The following PDE4D variants were observed in gnomAD, a reference collection of about 807,000 sequenced individuals.
PDE4D encodes the protein 3',5'-cyclic-AMP phosphodiesterase 4D.
In PDE4D, 24 loss-of-function variants were observed where a neutral mutation model predicts 87.4. That is an observed-to-expected ratio of 0.27 (90% CI 0.20 to 0.39). The LOEUF is 0.39. PDE4D is among the 10% of genes least tolerant of loss of function. PDE4D has a pLI of 1.00. For synonymous variants in PDE4D, 384 were observed against 383.2 expected (o/e 1.00, Z -0.02); for missense variants, 714 against 1,041.0 (o/e 0.69, Z 4.32).
chr5:59,356,958 G>A lies in PDE4D; in HGVS notation c.456-140990C>T, dbSNP rs181099351. On this transcript the variant is annotated intron_variant, in intron 1 of 14. Coordinates refer to ENST00000340635, the MANE Select transcript of PDE4D (RefSeq NM_001104631.2). ...AGGAGGCACTTGTAGCTGAGTGAGG[G>A]CATTTCCTTTGTGCAGTGGTATGCG... 360 of 1,340,908 alleles carry A rather than the reference G, an allele frequency of 2.7e-4. No homozygotes were observed. The African/African-American group carries it at 5.0e-3, about 19-fold the overall frequency. The allele number at this position is 1,340,908 out of a possible 1,614,324, so 83.1% of individuals were successfully genotyped here.
chr5:59,232,496 C>T (rs187731242), intron 1 of PDE4D, among the ~76,000 whole-genome samples: 7 of 126,070 alleles, frequency 5.6e-5, no homozygotes, highest in African/African-American at 3.1e-5. Context: ...CTTAGAATGG[C>T]TATTATTAAA....
intron 1 of PDE4D, among the ~76,000 whole-genome samples, chr5:60,507,780 GA>G (rs1750388826): frequency 6.6e-6 from 1 of 152,080 alleles, no homozygotes; most frequent in South Asian, 2.1e-4. Flanking sequence ...AGACTTTTTG[GA>G]ATCATGAACT....
intron 1 of PDE4D, among the ~76,000 whole-genome samples, chr5:59,808,414 T>C (rs944625480): frequency 2.4e-4 from 37 of 152,210 alleles, no homozygotes; most frequent in African/African-American, 8.7e-4. Flanking sequence ...GGTTTTAACA[T>C]ACAAGTGTTT....
chr5:59,397,508 A>C (rs1462673911), intron 1 of PDE4D, among the ~76,000 whole-genome samples: 1 of 116,424 alleles, frequency 8.6e-6, no homozygotes, highest in South Asian at 3.0e-4. Context: ...TGAAGGCAGA[A>C]ATAAAGATGT....
In PDE4D at chr5:60,293,386, C is replaced by T. The variant is rs972287406; in HGVS notation, c.-89-107699G>A. 1.9e-4 allele frequency among the ~76,000 whole-genome samples: 29 copies of T among 152,088 alleles called. 1 individual carries two copies. The highest frequency in any genetic ancestry group is 6.5e-4 in the African/African-American group (27 of 41,484). On this transcript the variant is annotated intron_variant, in intron 1 of 16. Transcript: ENST00000502484. ...AAAATTCGCCTAGCATGGTGGCACA[C>T]GCCTATAGTCCCAGCTACTCGGGAG...
intron 5 of PDE4D, among the ~76,000 whole-genome samples, chr5:59,088,066 A>T (rs938155148): frequency 6.6e-6 from 1 of 152,028 alleles, no homozygotes; most frequent in African/African-American, 2.4e-5. Flanking sequence ...GGCATGCAAT[A>T]CATGTTTGTT....
chr5:59,296,075 GA>G (rs113101613), intron 1 of PDE4D, among the ~76,000 whole-genome samples: 106 of 146,146 alleles, frequency 7.3e-4, no homozygotes, highest in Middle Eastern at 7.1e-3. Context: ...AATTCAAAAT[GA>G]AAAAAAAAAA....
chr5:59,259,180 G>C (rs1168242968), intron 1 of PDE4D, among the ~76,000 whole-genome samples: 1 of 151,728 alleles, frequency 6.6e-6, no homozygotes, highest in Non-Finnish European at 1.5e-5. Flanking sequence ...AAACTGGCTA[G>C]CATTTTTTTT....
intron 1 of PDE4D, among the ~76,000 whole-genome samples, chr5:59,835,853 T>C (rs1385281815): frequency 6.6e-6 from 1 of 152,010 alleles, no homozygotes; most frequent in Non-Finnish European, 1.5e-5. Context: ...TTCTAGAAAC[T>C]ATTCCATAAC....
chr5:60,197,530 G>A (rs1741413754), intron 1 of PDE4D, among the ~76,000 whole-genome samples: 1 of 151,560 alleles, frequency 6.6e-6, no homozygotes, highest in South Asian at 2.1e-4. Context: ...AGATCAAAGA[G>A]ACAAAAGGGA....
At chr5:59,858,977 A>C (rs559672523) in intron 1 of PDE4D, among the ~76,000 whole-genome samples, 1 of 152,220 alleles carries the variant, frequency 6.6e-6, no homozygotes, top group African/African-American at 2.4e-5. Context: ...AACACTGCAC[A>C]AGTACTGAAG....
At position 59,202,407 on chromosome 5, in the gene PDE4D, G is replaced by A. The variant is rs577626233; in HGVS notation, c.648-8871C>T. Among the ~76,000 whole-genome samples the A allele has an allele frequency of 1.1e-4, 16 of 152,246 alleles. No homozygotes were observed. In the East Asian group the frequency reaches 3.1e-3, roughly 29 times the overall value. The stretch of plus-strand genomic sequence containing the variant: ...TGTGGGGTCTCACTCTGTTGCCCAG[G>A]CTAGAGTGCAGTGGCACAATTCACA... On this transcript the variant is annotated intron_variant, in intron 2 of 14. Coordinates refer to ENST00000340635, the MANE Select transcript of PDE4D (RefSeq NM_001104631.2).
At chr5:59,141,026 T>C (rs892304105) in intron 5 of PDE4D, among the ~76,000 whole-genome samples, 2 of 152,162 alleles carry the variant, frequency 1.3e-5, no homozygotes, top group African/African-American at 2.4e-5. Flanking sequence ...AAACTATAAA[T>C]GGATATTTGA....
At chr5:60,217,380 T>C (rs963225496) in intron 1 of PDE4D, among the ~76,000 whole-genome samples, 4 of 151,994 alleles carry the variant, frequency 2.6e-5, no homozygotes, top group African/African-American at 9.7e-5. Flanking sequence ...AACACTAAAC[T>C]TTATACTTAA....
chr5:59,139,201 G>T (rs78915250), intron 5 of PDE4D, among the ~76,000 whole-genome samples: 5,927 of 152,198 alleles, frequency 0.039, 349 homozygotes, highest in African/African-American at 0.12. Flanking sequence ...CAAAAGACAG[G>T]ACATTTACAT....
chr5:59,161,893 G>T lies in PDE4D; in HGVS notation c.808+18702C>A, dbSNP rs967046421. On this transcript the variant is annotated intron_variant, in intron 5 of 14. Coordinates refer to ENST00000340635, the MANE Select transcript of PDE4D (RefSeq NM_001104631.2). ...GTGCGGTTTGATGATTACGCACAAA[G>T]AGACAAAGATAATGAGTGGGGGTAG... is the stretch of plus-strand genomic sequence containing the variant. Among the ~76,000 whole-genome samples the T allele has an allele frequency of 1.8e-4, 27 of 152,152 alleles. 1 individual carries two copies. Among genetic ancestry groups the T allele is most frequent in the Admixed American group, 6.5e-5 (1 of 15,272 alleles).
In PDE4D at chr5:59,069,116, T is replaced by A. The variant is rs1019680504; in HGVS notation, c.809-30145A>T. 1.2e-4 allele frequency among the ~76,000 whole-genome samples: 19 copies of A among 152,326 alleles called. 1 individual carries two copies. The East Asian group carries it at 3.5e-3, about 28-fold the overall frequency. On this transcript the variant is annotated intron_variant, in intron 5 of 14. Coordinates refer to ENST00000340635, the MANE Select transcript of PDE4D (RefSeq NM_001104631.2). ...AGTGCAGTTGGAGCCTAAAGTTATCTAAATAATCCGTTAGACCTTTTCTTT... is the reference window on the plus strand; with the variant it reads ...AGTGCAGTTGGAGCCTAAAGTTATCAAAATAATCCGTTAGACCTTTTCTTT...
intron 1 of PDE4D, among the ~76,000 whole-genome samples, chr5:60,483,286 C>T (rs1036039139): frequency 1.3e-5 from 2 of 152,156 alleles, no homozygotes; most frequent in African/African-American, 2.4e-5. Context: ...ACCTCAGCAT[C>T]CCAAGTAGCT....
At chr5:60,392,307 A>G (rs1415475502) in intron 1 of PDE4D, among the ~76,000 whole-genome samples, 2 of 152,212 alleles carry the variant, frequency 1.3e-5, no homozygotes, top group African/African-American at 4.8e-5. Flanking sequence ...GTCCTATAAT[A>G]CCATTACATG....
Sources: gnomAD v4.1 joint callset for allele counts (sites outside exome capture counted in the v4.1 genomes callset) on GRCh38, gnomAD v4.1.1 for gene constraint, MANE v1.5 for transcripts, NCBI Gene and HGNC (gene_info 2026-07-23, HGNC 2026-07-21) for gene names.